The following EFTUD2 variants were observed in gnomAD, a reference collection of about 807,000 sequenced individuals.
The protein encoded by EFTUD2 is 116 kDa U5 small nuclear ribonucleoprotein component.
In EFTUD2, 9 loss-of-function variants were observed where a neutral mutation model predicts 114.3. That is an observed-to-expected ratio of 0.08 (90% CI 0.05 to 0.14). The LOEUF (loss-of-function observed/expected upper bound fraction) is 0.14. EFTUD2 is among the 10% of genes least tolerant of loss of function. EFTUD2 has a pLI of 1.00. For synonymous variants in EFTUD2, 449 were observed against 462.3 expected (o/e 0.97, Z 0.37); for missense variants, 765 against 1,241.2 (o/e 0.62, Z 5.76).
chr17:44,864,870 G>A, intron 14 of EFTUD2, 60 bp downstream of exon 14: 1 of 1,579,946 alleles, frequency 6.3e-7, no homozygotes, highest in African/African-American at 1.4e-5. Context: ...AAAAATTGCT[G>A]TGATACCTGT....
chr17:44,863,615 G>A, intron 15 of EFTUD2, 40 bp downstream of exon 15: 1 of 1,598,622 alleles, frequency 6.3e-7, no homozygotes, highest in Non-Finnish European at 8.5e-7. Context: ...ACAGGAAGGG[G>A]AAAAAAAGAC....
chr17:44,856,332 C>T (rs2050553325), intron 20 of EFTUD2, among the ~76,000 whole-genome samples: 1 of 151,082 alleles, frequency 6.6e-6, no homozygotes, highest in Admixed American at 6.6e-5. Flanking sequence ...GGTTCGAGAC[C>T]AGCCTGGGCA....
At position 44,850,361 on chromosome 17, in the gene EFTUD2, G is replaced by A. The variant is rs148662684; in HGVS notation, c.*913C>T. The stretch of plus-strand genomic sequence containing the variant: ...TGTGTACACAATGTACAGCGATTAC[G>A]TCAAGAGGATGGCACAGGATGCTGG... On this transcript the variant is annotated 3_prime_UTR_variant, in exon 28 of 28. Transcript: ENST00000426333. 1.6e-4 allele frequency: 253 copies of A among 1,613,398 alleles called. No individual in the cohort carries two copies. The highest frequency in any genetic ancestry group is 4.3e-4 in the Admixed American group (26 of 59,976).
In EFTUD2 at chr17:44,851,256, TCCC is replaced by T; in HGVS notation, c.*15_*17del. On this transcript the variant is annotated 3_prime_UTR_variant, in exon 28 of 28. Transcript: ENST00000426333. ...GCAGCCCACTGTAGGGAGCAGGAGC[TCCC>T]AGGAGTCCACGCACTCACATGGGGT... is the stretch of plus-strand genomic sequence containing the variant. 1 of 1,607,652 alleles carries T rather than the reference TCCC, an allele frequency of 6.2e-7. No individual in the cohort carries two copies. Among genetic ancestry groups the T allele is most frequent in the Non-Finnish European group, 8.5e-7 (1 of 1,174,332 alleles).
At chr17:44,896,226 G>A (rs1008988195) in intron 1 of EFTUD2, among the ~76,000 whole-genome samples, 6 of 152,156 alleles carry the variant, frequency 3.9e-5, no homozygotes, top group African/African-American at 1.4e-4. Flanking sequence ...TTCAATTACT[G>A]AAATTCTATT....
intron 18 of EFTUD2, 186 bp from the exon 19 acceptor site, chr17:44,859,367 A>G (rs1441803052): frequency 8.2e-6 from 5 of 610,738 alleles, no homozygotes; most frequent in Non-Finnish European, 1.5e-5. Flanking sequence ...TCAAGACACC[A>G]GGACCACTCA....
At chr17:44,886,425 T>C (rs2051174274) in intron 3 of EFTUD2, among the ~76,000 whole-genome samples, 160 bp downstream of exon 3, 1 of 152,176 alleles carries the variant, frequency 6.6e-6, no homozygotes, top group South Asian at 2.1e-4. Flanking sequence ...CTTTACTGAA[T>C]ATTAAAAAAG....
Position 44,852,567 on chromosome 17 carries a change from G to C in EFTUD2, c.2562-5C>G, listed in dbSNP as rs1432945005. On this transcript the variant is annotated splice_polypyrimidine_tract_variant and splice_region_variant and intron_variant, in intron 25 of 27. Transcript: ENST00000426333. ...GCATCCTGAGTCACGTGCCCCCTGA[G>C]ACAGAAAAACAAAGGCTGAGCCTCT... 5 of 1,613,556 alleles carry C rather than the reference G, an allele frequency of 3.1e-6. No homozygotes were observed. Among genetic ancestry groups the C allele is most frequent in the South Asian group, 1.1e-5 (1 of 91,018 alleles).
chr17:44,876,450 T>C (rs141397103), intron 9 of EFTUD2, among the ~76,000 whole-genome samples: 244 of 152,252 alleles, frequency 1.6e-3, no homozygotes, highest in African/African-American at 5.8e-3. Flanking sequence ...TGTGTAGAAA[T>C]AGTTATAGAT....
chr17:44,870,014 T>G (rs2050818547), intron 11 of EFTUD2, among the ~76,000 whole-genome samples: 1 of 152,218 alleles, frequency 6.6e-6, no homozygotes, highest in Non-Finnish European at 1.5e-5. Context: ...CCTACTCTAT[T>G]AGTAATTTCT....
intron 11 of EFTUD2, among the ~76,000 whole-genome samples, chr17:44,870,379 T>C (rs934545404): frequency 5.9e-5 from 9 of 152,206 alleles, no homozygotes; most frequent in Non-Finnish European, 1.2e-4. Flanking sequence ...TAGCTACCCA[T>C]TTTTAAAAAA....
intron 5 of EFTUD2, 108 bp from the exon 6 acceptor site, chr17:44,883,266 G>T: frequency 1.1e-6 from 1 of 922,808 alleles, no homozygotes; most frequent in South Asian, 1.5e-5. Flanking sequence ...GAGAGAAAAA[G>T]GAGAGCAAGG....
At chr17:44,890,442 C>T (rs2051259012) in intron 2 of EFTUD2, among the ~76,000 whole-genome samples, 1 of 151,482 alleles carries the variant, frequency 6.6e-6, no homozygotes, top group African/African-American at 2.4e-5. Flanking sequence ...CCTGTAATCC[C>T]AGCACTTTGA....
At chr17:44,872,635 A>T in intron 10 of EFTUD2, 65 bp from the exon 11 acceptor site, 2 of 1,503,990 alleles carry the variant, frequency 1.3e-6, no homozygotes, top group South Asian at 2.6e-5. Context: ...TGCCAAGGGG[A>T]AGGGCAGGAA....
chr17:44,858,930 CA>C lies in EFTUD2; in HGVS notation c.1962+149del, dbSNP rs1016379487. On this transcript the variant is annotated intron_variant, in intron 19 of 27. Coordinates refer to ENST00000426333, the MANE Select transcript of EFTUD2 (RefSeq NM_004247.4). ...CAGCAGAAGGGGGCAAACCAGTTCT[CA>C]AAAACCTTCCCATATAAGGAGCAAC... 9.3e-6 allele frequency: 6 copies of C among 644,322 alleles called. No individual in the cohort carries two copies. The African/African-American group carries it at 1.1e-4, about 12-fold the overall frequency. 39.9% of individuals were successfully genotyped at this position (644,322 alleles called of 1,614,324 possible). A position where few individuals can be genotyped will look rare whatever the true frequency, so the allele number is the denominator to read the frequency against.
chr17:44,857,021 G>A, intron 20 of EFTUD2, 54 bp downstream of exon 20: 1 of 1,456,118 alleles, frequency 6.9e-7, no homozygotes, highest in South Asian at 1.1e-5. Context: ...GAAGATAAAG[G>A]AGAGAGAGTG....
rs150633454 is a variant in EFTUD2 at position 44,875,989 on chromosome 17, T to C, written c.814A>G (p.Thr272Ala). Residue 272 changes from threonine to alanine, a missense_variant, in exon 10 of 28, where the codon ACT becomes GCT. Physicochemically the swap from Thr to Ala is moderately conservative, Grantham distance 58. Coordinates refer to ENST00000426333, the MANE Select transcript of EFTUD2 (RefSeq NM_004247.4). ...RLILELKLPP[T>A]DAYYKLRHIV... ...TGGCGCAGCTTGTAATAAGCATCAG[T>C]TGGAGGCAGCTTCAGCTCCAGGATC... is the stretch of plus-strand genomic sequence containing the variant. 11 of 1,614,008 alleles carry C rather than the reference T, an allele frequency of 6.8e-6. No individual in the cohort carries two copies. Among genetic ancestry groups the C allele is most frequent in the African/African-American group, 6.7e-5 (5 of 74,906 alleles).
intron 6 of EFTUD2, among the ~76,000 whole-genome samples, 166 bp downstream of exon 6, chr17:44,882,927 T>C (rs1349825513): frequency 1.3e-5 from 2 of 151,906 alleles, no homozygotes; most frequent in Non-Finnish European, 2.9e-5. Context: ...CCCGAGAAAG[T>C]TGAAATTATT....
chr17:44,877,965 GTC>G (rs1179724950), intron 9 of EFTUD2, among the ~76,000 whole-genome samples: 1 of 151,684 alleles, frequency 6.6e-6, no homozygotes, highest in African/African-American at 2.4e-5. Flanking sequence ...ATGAAACCCT[GTC>G]TCTACTAAAA....
Sources: gnomAD v4.1 joint callset for allele counts (sites outside exome capture counted in the v4.1 genomes callset) on GRCh38, gnomAD v4.1.1 for gene constraint, MANE v1.5 for transcripts, NCBI Gene and HGNC (gene_info 2026-07-23, HGNC 2026-07-21) for gene names.